The following ANKRD35 variants were observed in gnomAD, a reference collection of about 807,000 sequenced individuals.
ANKRD35 encodes the protein ankyrin repeat domain 35.
A neutral mutation model predicts 109.9 loss-of-function variants in ANKRD35; 102 were observed. The ratio of observed to expected loss-of-function variants is 0.93; its 90% confidence interval spans 0.79 to 1.09. The LOEUF is 1.09. Among genes scored for constraint, ANKRD35 ranks in the 50% least tolerant of loss-of-function variants. The probability of loss-of-function intolerance (pLI) is 0.00; values close to 1 mark genes in which losing one functional copy is unlikely to be tolerated. For missense variants in ANKRD35, 1,240 were observed against 1,230.1 expected, an observed-to-expected ratio of 1.01 and a Z score of -0.12; for synonymous variants, 515 against 512.4, an observed-to-expected ratio of 1.01 and a Z score of -0.07.
At chr1:145,874,038 C>T in intron 9 of ANKRD35, 53 bp from the exon 10 acceptor site, 1 of 1,611,410 alleles carries the variant, frequency 6.2e-7, no homozygotes. Context: ...GAACTGAGCC[C>T]TAGGAGTGCC....
chr1:145,869,870 A>G (rs78754845), intron 10 of ANKRD35, among the ~76,000 whole-genome samples: 209 of 152,342 alleles, frequency 1.4e-3, no homozygotes, highest in African/African-American at 4.8e-3. Context: ...GATTTGAACC[A>G]CAATCTCTTT....
chr1:145,867,906 C>A, intron 12 of ANKRD35, 85 bp downstream of exon 12: 1 of 1,337,278 alleles, frequency 7.5e-7, no homozygotes, highest in Admixed American at 1.7e-5. Context: ...GTACAGGGAC[C>A]CTGGAGAAGA....
Position 145,868,356 on chromosome 1 carries a change from A to T in ANKRD35, c.2832T>A (p.Val944=). 6.2e-7 allele frequency: 1 copy of T among 1,614,206 alleles called. No individual in the cohort carries two copies. Among genetic ancestry groups the T allele is most frequent in the Non-Finnish European group, 8.5e-7 (1 of 1,180,032 alleles). Residue 944 remains valine (V), a synonymous_variant, in exon 11 of 14, where the codon GTT becomes GTA. Transcript: ENST00000355594. ...LKKLEQLSEE[V]LAIRGENARL... is the part of the protein sequence containing the mutation. ...GAGCATTTTCTCCCCGAATTGCTAGAACCTCTTCTGAAAGCTGCTCCAGCT... is the reference window on the plus strand; with the variant it reads ...GAGCATTTTCTCCCCGAATTGCTAGTACCTCTTCTGAAAGCTGCTCCAGCT...
At position 145,868,012 on chromosome 1, in the gene ANKRD35, A is replaced by ATTC; in HGVS notation, c.2919_2921dup (p.Arg973_Asn974insLys). 6.2e-7 allele frequency: 1 copy of ATTC among 1,614,166 alleles called. No individual in the cohort carries two copies. Among genetic ancestry groups the ATTC allele is most frequent in the Non-Finnish European group, 8.5e-7 (1 of 1,180,020 alleles). On this transcript the variant is annotated inframe_insertion, in exon 12 of 14. Coordinates refer to ENST00000355594, the MANE Select transcript of ANKRD35 (RefSeq NM_144698.5). ...TCACCCGAGCAGCATTCAGTAGATG[A>ATTC]TTCCTGTAGGTGGAGATGATCTCTT... is the stretch of plus-strand genomic sequence containing the variant.
At chr1:145,875,149 CTTTT>C in intron 7 of ANKRD35, 143 bp from the exon 8 acceptor site, 6 of 530,228 alleles carry the variant, frequency 1.1e-5, no homozygotes, top group Non-Finnish European at 1.5e-5. Context: ...CTAGACTTCT[CTTTT>C]TTTTTTTTTG....
Position 145,873,677 on chromosome 1 carries a change from A to G in ANKRD35, c.1092T>C (p.Pro364=), listed in dbSNP as rs1258396349. ...ASGKQGSSLR[P]GGDGMEQGCP... The stretch of plus-strand genomic sequence containing the variant: ...AACCCTGCTCCATGCCATCCCCTCC[A>G]GGCCGGAGACTAGAGCCTTGCTTTC... The change falls in exon 10 of 14, where the codon CCT becomes CCC. Residue 364 remains proline (P), a synonymous_variant. Coordinates refer to ENST00000355594, the MANE Select transcript of ANKRD35 (RefSeq NM_144698.5). 6 of 1,614,128 alleles carry G rather than the reference A, an allele frequency of 3.7e-6. No individual in the cohort carries two copies. In the African/African-American group the frequency reaches 6.7e-5, roughly 18 times the overall value.
intron 6 of ANKRD35, 60 bp downstream of exon 6, chr1:145,876,509 T>G: frequency 1.2e-6 from 2 of 1,605,068 alleles, no homozygotes; most frequent in East Asian, 2.2e-5. Flanking sequence ...CCAGTCAAGC[T>G]GAGAGACAGC....
intron 6 of ANKRD35, 36 bp downstream of exon 6, chr1:145,876,533 T>C: frequency 1.2e-6 from 2 of 1,613,258 alleles, no homozygotes; most frequent in African/African-American, 1.3e-5. Flanking sequence ...AGCCCTTCTG[T>C]GTAGGACACT....
chr1:145,874,118 T>C (rs781827841), intron 9 of ANKRD35, 37 bp downstream of exon 9: 1 of 1,613,606 alleles, frequency 6.2e-7, no homozygotes, highest in Admixed American at 1.7e-5. Flanking sequence ...GCCTGGGGTG[T>C]GTCAAAAGCA....
chr1:145,879,476 G>C, intron 1 of ANKRD35, 88 bp from the exon 2 acceptor site: 1 of 1,325,794 alleles, frequency 7.5e-7, no homozygotes, highest in African/African-American at 1.5e-5. Flanking sequence ...TGCCAAATGA[G>C]AGAAAAGGAA....
chr1:145,883,075 A>G (rs1338422680), intron 1 of ANKRD35, among the ~76,000 whole-genome samples: 1 of 130,784 alleles, frequency 7.6e-6, no homozygotes, highest in Non-Finnish European at 1.6e-5. Context: ...AGACAGTACC[A>G]ATTTTTTTTT....
intron 5 of ANKRD35, 84 bp downstream of exon 5, chr1:145,876,732 C>G: frequency 1.2e-6 from 2 of 1,608,746 alleles, no homozygotes; most frequent in Non-Finnish European, 1.7e-6. Flanking sequence ...ATTGGTTGGC[C>G]CTGGCTGCCC....
In ANKRD35 at chr1:145,876,652, T is replaced by C. The variant is rs199858759; in HGVS notation, c.383-13A>G. 2.7e-4 allele frequency: 430 copies of C among 1,614,082 alleles called. 4 individuals carry two copies. The South Asian group carries it at 3.1e-3, about 12-fold the overall frequency. On this transcript the variant is annotated splice_polypyrimidine_tract_variant and intron_variant, in intron 5 of 13. Coordinates refer to ENST00000355594, the MANE Select transcript of ANKRD35 (RefSeq NM_144698.5). Reference sequence around the variant, plus strand: ...CAGCCAGAGGAGGCTGGGGAGAAGATGTTTGGGTTAAGGGGAAGCATGAAG... The same window carrying C: ...CAGCCAGAGGAGGCTGGGGAGAAGACGTTTGGGTTAAGGGGAAGCATGAAG...
chr1:145,868,120 C>T, intron 11 of ANKRD35, 64 bp from the exon 12 acceptor site: 1 of 1,565,602 alleles, frequency 6.4e-7, no homozygotes, highest in South Asian at 1.1e-5. Context: ...TGAGGAGCAA[C>T]ACAATGAAGT....
intron 10 of ANKRD35, among the ~76,000 whole-genome samples, chr1:145,868,892 A>G (rs1303287135): frequency 6.6e-6 from 1 of 152,228 alleles, no homozygotes; most frequent in Non-Finnish European, 1.5e-5. Flanking sequence ...CATTTCGTAG[A>G]TAAAGGAAAC....
Position 145,873,563 on chromosome 1 carries a change from C to T in ANKRD35, c.1206G>A (p.Lys402=). 6.2e-7 allele frequency: 1 copy of T among 1,614,132 alleles called. No homozygotes were observed. Among genetic ancestry groups the T allele is most frequent in the Non-Finnish European group, 8.5e-7 (1 of 1,180,028 alleles). The part of the protein sequence containing the change: ...AATVNPVLAP[K]KAEDSAPGKI... The stretch of plus-strand genomic sequence containing the variant: ...TTCCTGGGGCTGAGTCCTCAGCCTT[C>T]TTTGGAGCTAATACTGGATTTACTG... The change falls in exon 10 of 14, where the codon AAG becomes AAA. Residue 402 remains lysine, a synonymous_variant. Coordinates refer to ENST00000355594, the MANE Select transcript of ANKRD35 (RefSeq NM_144698.5).
chr1:145,879,071 A>G (rs782214792), intron 2 of ANKRD35, among the ~76,000 whole-genome samples, 187 bp downstream of exon 2: 12 of 152,196 alleles, frequency 7.9e-5, no homozygotes, highest in Non-Finnish European at 1.6e-4. Flanking sequence ...GGAGCTCAGG[A>G]ACAATATTTT....
In ANKRD35 at chr1:145,878,510, A is replaced by G. The variant is rs782656873; in HGVS notation, c.171-31T>C. The G allele has an allele frequency of 1.3e-5, 20 of 1,545,768 alleles. 1 individual carries two copies. In the South Asian group the frequency reaches 2.3e-4, roughly 17 times the overall value. ...AGAATCAAGGCCGAGAGGCCAAAGG[A>G]TAAAGGGACCAGGGATGAGGAATGG... On this transcript the variant is annotated intron_variant, in intron 2 of 13. Coordinates refer to ENST00000355594, the MANE Select transcript of ANKRD35 (RefSeq NM_144698.5).
rs781882146 is a variant in ANKRD35, at chr1:145,877,965, T to C, written c.324+3A>G. ...AAGAGTGGTATCAAGGGACTGCTCT[T>C]ACCTGAAGCAGAACCTTAACACACT... is the stretch of plus-strand genomic sequence containing the variant. On this transcript the variant is annotated splice_donor_region_variant and intron_variant, in intron 4 of 13. Coordinates refer to ENST00000355594, the MANE Select transcript of ANKRD35 (RefSeq NM_144698.5). 1 of 1,613,910 alleles carries C rather than the reference T, an allele frequency of 6.2e-7. No individual in the cohort carries two copies. The highest frequency in any genetic ancestry group is 1.1e-5 in the South Asian group (1 of 91,080).
Sources: allele counts gnomAD v4.1 joint callset (sites outside exome capture counted in the v4.1 genomes callset), GRCh38; gene constraint gnomAD v4.1.1; transcripts MANE v1.5; gene names NCBI Gene and HGNC (gene_info 2026-07-23, HGNC 2026-07-21).